CLPX: variants seen among roughly 807,000 people sequenced by gnomAD.
CLPX encodes caseinolytic mitochondrial matrix peptidase chaperone subunit X.
CLPX carries 34 observed loss-of-function variants against 76.4 expected under a neutral mutation model. That is an observed-to-expected ratio of 0.45 (90% CI 0.34 to 0.59). The LOEUF (loss-of-function observed/expected upper bound fraction) is 0.59. CLPX is among the 20% of genes least tolerant of loss of function. CLPX has a pLI of 0.01. For synonymous variants in CLPX, 248 were observed against 270.9 expected, an observed-to-expected ratio of 0.92 and a Z score of 0.83; for missense variants, 613 against 757.0, an observed-to-expected ratio of 0.81 and a Z score of 2.23.
rs1187527101 is a variant in CLPX, at chr15:65,170,821, TC to T, written c.359-4037del. Among the ~76,000 whole-genome samples the T allele has an allele frequency of 5.1e-4, 45 of 87,416 alleles. No individual in the cohort carries two copies. In the East Asian group the frequency reaches 6.3e-3, roughly 12 times the overall value. 57.3% of individuals were successfully genotyped at this position (87,416 alleles called of 152,430 possible). ...CAATCAATTCTTGTGTTTCTGTTCTTCTTTTTTTTTTTTTTTTTTGAGACGG... is the reference window on the plus strand; with the variant it reads ...CAATCAATTCTTGTGTTTCTGTTCTTTTTTTTTTTTTTTTTTTTGAGACGG... On this transcript the variant is annotated intron_variant, in intron 3 of 13. Coordinates refer to ENST00000300107, the MANE Select transcript of CLPX (RefSeq NM_006660.5).
At chr15:65,151,906 C>A (rs1031430186) in intron 13 of CLPX, among the ~76,000 whole-genome samples, 1 of 152,058 alleles carries the variant, frequency 6.6e-6, no homozygotes, top group Non-Finnish European at 1.5e-5. Context: ...CTGTAGCTTG[C>A]TAGCCAAATC....
At chr15:65,174,841 G>A (rs2088066877) in intron 3 of CLPX, among the ~76,000 whole-genome samples, 1 of 152,086 alleles carries the variant, frequency 6.6e-6, no homozygotes, top group South Asian at 2.1e-4. Flanking sequence ...GTATAAGTAG[G>A]CCTGAGCAAT....
Position 65,180,199 on chromosome 15 carries a change from A to G in CLPX, c.85T>C (p.Ser29Pro). 1 of 1,585,194 alleles carries G rather than the reference A, an allele frequency of 6.3e-7. No individual in the cohort carries two copies. Among genetic ancestry groups the G allele is most frequent in the South Asian group, 1.2e-5 (1 of 86,862 alleles). Residue 29 changes from serine to proline, a missense_variant, in exon 2 of 14, where the codon TCT (serine) becomes CCT (proline). By Grantham distance (74) the Ser-to-Pro change is moderately conservative. This residue lies in a region of CLPX where 163 missense variants were observed against 118.4 expected (regional missense o/e 1.38). Transcript: ENST00000300107. Reference sequence around the variant, plus strand: ...ACTGACATATGAATGCGACCACCAGAAATACCTGAAAATAAAAGGAAATCT... The same window carrying G: ...ACTGACATATGAATGCGACCACCAGGAATACCTGAAAATAAAAGGAAATCT... ...SSLASAQRGI[S>P]GGRIHMSVLG... is the part of the protein sequence containing the mutation.
intron 5 of CLPX, among the ~76,000 whole-genome samples, chr15:65,163,232 C>G (rs1172846773): frequency 6.6e-6 from 1 of 152,056 alleles, no homozygotes; most frequent in African/African-American, 2.4e-5. Flanking sequence ...GAAAAAGGTT[C>G]CAAGTCATCC....
chr15:65,173,365 CAA>C (rs35763100), intron 3 of CLPX, among the ~76,000 whole-genome samples: 2 of 52,186 alleles, frequency 3.8e-5, no homozygotes. Context: ...GACTCTGTCT[CAA>C]AAAAAAAAAA....
intron 6 of CLPX, among the ~76,000 whole-genome samples, chr15:65,161,888 G>T (rs939955651): frequency 5.9e-5 from 9 of 151,984 alleles, no homozygotes; most frequent in Non-Finnish European, 1.3e-4. Context: ...TGCCCAAGTT[G>T]GTACACAAGT....
chr15:65,162,772 T>C (rs1202052669), intron 5 of CLPX, 127 bp from the exon 6 acceptor site: 6 of 588,084 alleles, frequency 1.0e-5, no homozygotes, highest in Non-Finnish European at 1.8e-5. Flanking sequence ...CAGCTTTTCA[T>C]ATATGCTATA....
intron 7 of CLPX, chr15:65,158,170 G>C (rs907402791): frequency 8.6e-6 from 3 of 349,972 alleles, no homozygotes; most frequent in African/African-American, 6.4e-5. Flanking sequence ...CTACAGGCAT[G>C]TGCTACCACG....
Position 65,152,414 on chromosome 15 carries a change from T to G in CLPX, c.1811+16A>C. The G allele has an allele frequency of 7.4e-7, 1 of 1,353,442 alleles. No individual in the cohort carries two copies. The highest frequency in any genetic ancestry group is 1.0e-6 in the Non-Finnish European group (1 of 997,950). 83.8% of individuals were successfully genotyped at this position (1,353,442 alleles called of 1,614,324 possible). ...CTTAAATTTTGTATCTGTTCTGGCT[T>G]GAAAATACACTTTACCGGATGTATC... On this transcript the variant is annotated intron_variant, in intron 13 of 13. Coordinates refer to ENST00000300107, the MANE Select transcript of CLPX (RefSeq NM_006660.5).
rs2087694830 is a variant in CLPX at position 65,149,608 on chromosome 15, T to A, written c.*1215A>T. 2.2e-6 allele frequency: 1 copy of A among 449,548 alleles called. No individual in the cohort carries two copies. The highest frequency in any genetic ancestry group is 4.5e-6 in the Non-Finnish European group (1 of 224,718). The allele number at this position is 449,548 out of a possible 1,614,324, so 27.8% of individuals were successfully genotyped here. On this transcript the variant is annotated 3_prime_UTR_variant, in exon 14 of 14. Coordinates refer to ENST00000300107, the MANE Select transcript of CLPX (RefSeq NM_006660.5). ...CGGGTGTGGTGGCTTACGCCTGCAA[T>A]CCCAGCACTTTGGGAGGCTGAGGCC...
rs16948530 is a variant in CLPX, at chr15:65,150,912, C to G, written c.1813G>C (p.Ala605Pro). ...TCTTCAGAGGATTCTTTTGTTGGAG[C>G]CCTACAATGAAAAGCCATGTTTGTT... Reference protein sequence around the residue: ...EGKKEPGYIRAPTKESSEEEY... With the variant: ...EGKKEPGYIRPPTKESSEEEY... The change falls in exon 14 of 14, where the codon GCT (alanine) becomes CCT (proline). Residue 605 changes from alanine (A) to proline (P), a missense_variant and splice_region_variant. Ala to Pro is a conservative substitution (Grantham distance 27). Coordinates refer to ENST00000300107, the MANE Select transcript of CLPX (RefSeq NM_006660.5). The G allele has an allele frequency of 6.3e-7, 1 of 1,592,522 alleles. No homozygotes were observed. Among genetic ancestry groups the G allele is most frequent in the Non-Finnish European group, 8.6e-7 (1 of 1,168,462 alleles).
At chr15:65,166,493 A>AAATTCCATATG in intron 4 of CLPX, 138 bp downstream of exon 4, 1 of 868,682 alleles carries the variant, frequency 1.2e-6, no homozygotes, top group Admixed American at 2.7e-5. Flanking sequence ...ATAACAATTT[A>AAATTCCATATG]GCCACATATG....
intron 4 of CLPX, among the ~76,000 whole-genome samples, chr15:65,164,722 T>A (rs1410280143): frequency 6.6e-6 from 1 of 152,142 alleles, no homozygotes; most frequent in Non-Finnish European, 1.5e-5. Context: ...ACTTTAAAGC[T>A]ACTCATTTAT....
At chr15:65,160,863 G>A (rs2087848178) in intron 6 of CLPX, among the ~76,000 whole-genome samples, 1 of 152,108 alleles carries the variant, frequency 6.6e-6, no homozygotes, top group Non-Finnish European at 1.5e-5. Flanking sequence ...GTTAGTCCCT[G>A]TTTGTGCATC....
intron 6 of CLPX, among the ~76,000 whole-genome samples, chr15:65,161,220 C>T (rs890225574): frequency 1.3e-5 from 2 of 152,146 alleles, no homozygotes; most frequent in Non-Finnish European, 2.9e-5. Flanking sequence ...TGGTGCTCAA[C>T]TTAAAAAACA....
intron 13 of CLPX, 33 bp downstream of exon 13, chr15:65,152,397 T>C (rs749641519): frequency 8.5e-6 from 9 of 1,057,198 alleles, no homozygotes; most frequent in African/African-American, 3.3e-5. Context: ...ATCTTAAATT[T>C]TGTATCTGTT....
chr15:65,178,120 G>A (rs1466001683), intron 3 of CLPX, among the ~76,000 whole-genome samples: 1 of 152,102 alleles, frequency 6.6e-6, no homozygotes, highest in African/African-American at 2.4e-5. Context: ...CTGAGTGTCT[G>A]AATCATTAAT....
rs185789609 is a variant in CLPX, at chr15:65,159,766, A to G, written c.716-1015T>C. ...TAGCATTTGAGTACCTGTTATCACAACATACTTGTTTATATTTCCTGAATT... is the reference window on the plus strand; with the variant it reads ...TAGCATTTGAGTACCTGTTATCACAGCATACTTGTTTATATTTCCTGAATT... On this transcript the variant is annotated intron_variant, in intron 6 of 13. Transcript: ENST00000300107. Among the ~76,000 whole-genome samples, 28 of 151,982 alleles carry G rather than the reference A, an allele frequency of 1.8e-4. No homozygotes were observed. In the East Asian group the frequency reaches 3.1e-3, roughly 17 times the overall value.
chr15:65,155,217 G>A (rs1566979108), intron 10 of CLPX, 136 bp from the exon 11 acceptor site: 4 of 847,806 alleles, frequency 4.7e-6, no homozygotes, highest in Middle Eastern at 3.0e-4. Context: ...TTTTACAAAG[G>A]AAAAAAACAG....
Sources: gnomAD v4.1 joint callset for allele counts (sites outside exome capture counted in the v4.1 genomes callset) on GRCh38, gnomAD v4.1.1 for gene constraint, gnomAD v4.1.1 regional missense constraint, MANE v1.5 for transcripts, NCBI Gene and HGNC (gene_info 2026-07-23, HGNC 2026-07-21) for gene names.